YWHAE: variants seen among roughly 807,000 people sequenced by gnomAD.
The protein encoded by YWHAE is 14-3-3 protein epsilon.
In YWHAE, 4 loss-of-function variants were observed where a neutral mutation model predicts 30.1. That is an observed-to-expected ratio of 0.13 (90% CI 0.07 to 0.30). The LOEUF (loss-of-function observed/expected upper bound fraction) is 0.30. Among genes scored for constraint, YWHAE ranks in the 10% least tolerant of loss-of-function variants. The pLI, the probability that YWHAE is intolerant of heterozygous loss-of-function variation, is 1.00. For synonymous variants in YWHAE, 118 were observed against 111.8 expected, an observed-to-expected ratio of 1.06 and a Z score of -0.35; for missense variants, 121 against 315.9, an observed-to-expected ratio of 0.38 and a Z score of 4.68.
At chr17:1,346,729 G>A (rs1302401800) in intron 5 of YWHAE, among the ~76,000 whole-genome samples, 1 of 152,200 alleles carries the variant, frequency 6.6e-6, no homozygotes, top group East Asian at 1.9e-4. Context: ...GCTCACGCCT[G>A]TAATCCCAGC....
chr17:1,390,080 G>A (rs1467425401), intron 1 of YWHAE, among the ~76,000 whole-genome samples: 2 of 152,114 alleles, frequency 1.3e-5, no homozygotes, highest in African/African-American at 2.4e-5. Context: ...CCGACCTCAG[G>A]TGATCCGCCC....
intron 4 of YWHAE, among the ~76,000 whole-genome samples, chr17:1,355,294 C>G (rs1379811648): frequency 5.3e-5 from 8 of 149,858 alleles, no homozygotes; most frequent in Non-Finnish European, 4.4e-5. Flanking sequence ...GTAGCCGGGA[C>G]TACAGGCGCC....
intron 1 of YWHAE, among the ~76,000 whole-genome samples, chr17:1,376,370 C>CAGAAAGAAAGAAAAAGAAAG (rs2073123569): frequency 6.7e-6 from 1 of 149,394 alleles, no homozygotes; most frequent in Non-Finnish European, 1.5e-5. Flanking sequence ...GACAGACAGA[C>CAGAAAGAAAGAAAAAGAAAG]AGACAGAAAG....
intron 5 of YWHAE, among the ~76,000 whole-genome samples, chr17:1,346,434 T>C (rs569229905): frequency 2.6e-5 from 4 of 152,348 alleles, no homozygotes; most frequent in African/African-American, 9.6e-5. Flanking sequence ...AATGTTCAAA[T>C]GACTATCCAT....
intron 2 of YWHAE, among the ~76,000 whole-genome samples, chr17:1,362,449 C>A (rs2072878408): frequency 6.6e-6 from 1 of 152,164 alleles, no homozygotes; most frequent in African/African-American, 2.4e-5. Flanking sequence ...GATTTGAACC[C>A]AGGCAGGCTG....
In YWHAE at chr17:1,359,655, T is replaced by C. The variant is rs1274269396; in HGVS notation, c.578+1437A>G. Among the ~76,000 whole-genome samples, 3 of 151,804 alleles carry C rather than the reference T, an allele frequency of 2.0e-5. No individual in the cohort carries two copies. In the East Asian group the frequency reaches 5.8e-4, roughly 29 times the overall value. ...TATCTAGAATGGGCCAAATTCATAGTGACAACGTAAAATAAAAGTTACTAG... is the reference window on the plus strand; with the variant it reads ...TATCTAGAATGGGCCAAATTCATAGCGACAACGTAAAATAAAAGTTACTAG... On this transcript the variant is annotated intron_variant, in intron 4 of 5. Coordinates refer to ENST00000264335, the MANE Select transcript of YWHAE (RefSeq NM_006761.5).
At chr17:1,358,471 C>T (rs982258915) in intron 4 of YWHAE, among the ~76,000 whole-genome samples, 25 of 151,896 alleles carry the variant, frequency 1.6e-4, no homozygotes, top group African/African-American at 6.0e-4. Flanking sequence ...GATCTCCTGA[C>T]CTCGTGATCT....
At chr17:1,378,905 A>G (rs2073163637) in intron 1 of YWHAE, among the ~76,000 whole-genome samples, 2 of 151,904 alleles carry the variant, frequency 1.3e-5, no homozygotes, top group Non-Finnish European at 1.5e-5. Flanking sequence ...AGCAAAGGTC[A>G]TGCCATTGCA....
At chr17:1,355,099 C>T (rs1243773785) in intron 4 of YWHAE, among the ~76,000 whole-genome samples, 1 of 94,362 alleles carries the variant, frequency 1.1e-5, no homozygotes, top group African/African-American at 4.0e-5. Flanking sequence ...GTACACACTA[C>T]CACCCCCAAG....
At chr17:1,396,640 T>A (rs913462510) in intron 1 of YWHAE, among the ~76,000 whole-genome samples, 1 of 152,122 alleles carries the variant, frequency 6.6e-6, no homozygotes, top group Non-Finnish European at 1.5e-5. Context: ...CCCCTCTATA[T>A]TCCCCGTTTT....
intron 1 of YWHAE, among the ~76,000 whole-genome samples, chr17:1,398,024 T>G (rs1711760652): frequency 6.6e-6 from 1 of 152,188 alleles, no homozygotes; most frequent in Admixed American, 6.6e-5. Flanking sequence ...AACCTGTACT[T>G]TATTTGGAAA....
At chr17:1,376,333 CAGAA>C (rs2073121189) in intron 1 of YWHAE, among the ~76,000 whole-genome samples, 1 of 150,704 alleles carries the variant, frequency 6.6e-6, no homozygotes, top group South Asian at 2.1e-4. Flanking sequence ...AGAACGAAGA[CAGAA>C]AGACAGACAG....
At chr17:1,373,340 C>A (rs896623301) in intron 1 of YWHAE, among the ~76,000 whole-genome samples, 5 of 151,968 alleles carry the variant, frequency 3.3e-5, no homozygotes, top group Non-Finnish European at 7.4e-5. Context: ...TCAAAGATTA[C>A]TGATCACAGA....
intron 1 of YWHAE, among the ~76,000 whole-genome samples, chr17:1,374,367 T>C (rs2073093202): frequency 6.6e-6 from 1 of 152,164 alleles, no homozygotes. Context: ...TTTGGGTTGT[T>C]TCCATTTTTG....
chr17:1,388,122 T>TTTTTG (rs2073334197), intron 1 of YWHAE, among the ~76,000 whole-genome samples: 1 of 61,438 alleles, frequency 1.6e-5, no homozygotes, highest in African/African-American at 7.1e-5. Context: ...TGGTTGGTTT[T>TTTTTG]TTTTTTTTTT....
At position 1,380,738 on chromosome 17, in the gene YWHAE, T is replaced by A. The variant is rs931703611; in HGVS notation, c.65-15680A>T. On this transcript the variant is annotated intron_variant, in intron 1 of 5. Coordinates refer to ENST00000264335, the MANE Select transcript of YWHAE (RefSeq NM_006761.5). ...AATAAAGCCTTTTGCAGAATACAGCTCCATTTTTTCTAACCCAGACTTTCC... is the reference window on the plus strand; with the variant it reads ...AATAAAGCCTTTTGCAGAATACAGCACCATTTTTTCTAACCCAGACTTTCC... Among the ~76,000 whole-genome samples the A allele has an allele frequency of 1.1e-4, 17 of 152,146 alleles. No homozygotes were observed. The East Asian group carries it at 3.3e-3, about 29-fold the overall frequency.
intron 3 of YWHAE, 74 bp downstream of exon 3, chr17:1,361,828 T>C: frequency 2.1e-6 from 2 of 941,096 alleles, no homozygotes; most frequent in Non-Finnish European, 3.1e-6. Context: ...GTTGAAAACC[T>C]ACATAGAACA....
intron 1 of YWHAE, among the ~76,000 whole-genome samples, chr17:1,389,818 C>T (rs545501542): frequency 6.6e-6 from 1 of 151,866 alleles, no homozygotes; most frequent in South Asian, 2.1e-4. Flanking sequence ...CCGTGAGCCA[C>T]CGTACCTGGC....
chr17:1,349,958 A>AAT (rs1555637993), intron 5 of YWHAE, among the ~76,000 whole-genome samples: 3 of 145,544 alleles, frequency 2.1e-5, no homozygotes, highest in African/African-American at 7.6e-5. Context: ...ATTACCCTGT[A>AAT]TTTTTTTTTT....
Sources: gnomAD v4.1 joint callset for allele counts (sites outside exome capture counted in the v4.1 genomes callset) on GRCh38, gnomAD v4.1.1 for gene constraint, MANE v1.5 for transcripts, NCBI Gene and HGNC (gene_info 2026-07-23, HGNC 2026-07-21) for gene names.